Variants in MTUS2 observed in about 807,000 individuals in gnomAD.
The protein encoded by MTUS2 is microtubule associated scaffold protein 2, also known as microtubule-associated tumor suppressor candidate 2.
A neutral mutation model predicts 114.1 loss-of-function variants in MTUS2; 40 were observed. The ratio of observed to expected loss-of-function variants is 0.35; its 90% CI spans 0.27 to 0.46. MTUS2 has a LOEUF of 0.46. Among genes scored for constraint, MTUS2 ranks in the 20% least tolerant of loss-of-function variants. The pLI is 1.00. For synonymous variants in MTUS2, 688 were observed against 672.0 expected, an observed-to-expected ratio of 1.02 and a Z score of -0.37; for missense variants, 1,679 against 1,705.4, an observed-to-expected ratio of 0.98 and a Z score of 0.27.
At chr13:28,938,831 G>A (rs1240702068) in intron 2 of MTUS2, among the ~76,000 whole-genome samples, 2 of 152,012 alleles carry the variant, frequency 1.3e-5, no homozygotes, top group African/African-American at 2.4e-5. Flanking sequence ...GACATTGTAA[G>A]GCATATGAGA....
At position 29,023,178 on chromosome 13, in the gene MTUS2, C is replaced by T. The variant is rs565024443; in HGVS notation, c.-242-1279C>T. ...TTCCATGCAGATGGAAGAGTATGCG[C>T]AAAGGCCCTGAGGCAGAGAGTAATG... On this transcript the variant is annotated intron_variant, in intron 2 of 15. Coordinates refer to ENST00000612955, the MANE Select transcript of MTUS2 (RefSeq NM_001033602.4). 2.1e-4 allele frequency among the ~76,000 whole-genome samples: 32 copies of T among 152,172 alleles called. No homozygotes were observed. The Middle Eastern group carries it at 0.01, about 49-fold the overall frequency.
At chr13:28,972,579 T>TA (rs1160107392) in intron 2 of MTUS2, among the ~76,000 whole-genome samples, 1 of 152,202 alleles carries the variant, frequency 6.6e-6, no homozygotes, top group African/African-American at 2.4e-5. Context: ...CACAGCCACT[T>TA]AGGTTAGTTT....
At chr13:29,477,461 G>C (rs1460408443) in intron 9 of MTUS2, among the ~76,000 whole-genome samples, 3 of 152,060 alleles carry the variant, frequency 2.0e-5, no homozygotes, top group African/African-American at 7.2e-5. Flanking sequence ...GAACTCCTGG[G>C]AACAGGCATG....
chr13:28,998,570 C>T (rs1206007870), intron 2 of MTUS2, among the ~76,000 whole-genome samples: 1 of 152,210 alleles, frequency 6.6e-6, no homozygotes, highest in East Asian at 1.9e-4. Flanking sequence ...TCCCATATTT[C>T]TTGGAGGCTT....
chr13:28,998,763 T>C (rs909771605), intron 2 of MTUS2, among the ~76,000 whole-genome samples: 1 of 152,240 alleles, frequency 6.6e-6, no homozygotes, highest in Non-Finnish European at 1.5e-5. Context: ...AGGACTTCTC[T>C]GCATTGGTTA....
At chr13:28,831,499 A>G (rs1874675680) in intron 1 of MTUS2, among the ~76,000 whole-genome samples, 1 of 152,120 alleles carries the variant, frequency 6.6e-6, no homozygotes, top group African/African-American at 2.4e-5. Context: ...GAATGGCTAT[A>G]CCGATATGAA....
Position 29,130,371 on chromosome 13 carries a change from C to T in MTUS2, c.2644+29401C>T, listed in dbSNP as rs186062182. On this transcript the variant is annotated intron_variant, in intron 5 of 15. Transcript: ENST00000612955. The stretch of plus-strand genomic sequence containing the variant: ...TCTGCTCAAGCCACTCCAGCCTCCT[C>T]GCTCTTCCTTCTGCCCAGGCACCGG... 1.5e-3 allele frequency among the ~76,000 whole-genome samples: 232 copies of T among 152,270 alleles called. 3 individuals carry two copies. Among genetic ancestry groups the T allele is most frequent in the African/African-American group, 5.1e-3 (213 of 41,550 alleles).
At chr13:28,830,420 C>T (rs1354256294) in intron 1 of MTUS2, among the ~76,000 whole-genome samples, 6 of 151,686 alleles carry the variant, frequency 4.0e-5, no homozygotes, top group African/African-American at 1.5e-4. Context: ...AATGATGTCT[C>T]TTCAAATAGA....
intron 5 of MTUS2, among the ~76,000 whole-genome samples, chr13:29,180,375 A>G (rs1893946825): frequency 6.6e-6 from 1 of 152,248 alleles, no homozygotes; most frequent in Non-Finnish European, 1.5e-5. Flanking sequence ...ATCATAAAGA[A>G]ACAAGCAACC....
chr13:29,008,060 G>A (rs1180992854), intron 2 of MTUS2, among the ~76,000 whole-genome samples: 7 of 152,112 alleles, frequency 4.6e-5, no homozygotes, highest in African/African-American at 1.4e-4. Context: ...AGTAAATGCC[G>A]CATGAGGCTG....
At position 29,132,956 on chromosome 13, in the gene MTUS2, G is replaced by A. The variant is rs561664975; in HGVS notation, c.2644+31986G>A. On this transcript the variant is annotated intron_variant, in intron 5 of 15. Transcript: ENST00000612955. ...TGCCATACTGTTTTCCGTAACAGCT[G>A]TACCATTTTACATTTTCACAAGTGC... Among the ~76,000 whole-genome samples the A allele has an allele frequency of 3.3e-5, 5 of 151,468 alleles. No homozygotes were observed. The East Asian group carries it at 9.7e-4, about 29-fold the overall frequency.
chr13:29,372,187 C>A (rs1219222814), intron 8 of MTUS2, among the ~76,000 whole-genome samples: 2 of 151,536 alleles, frequency 1.3e-5, no homozygotes, highest in Non-Finnish European at 2.9e-5. Flanking sequence ...GCCTCCAAAT[C>A]TAGTGTGCAC....
intron 8 of MTUS2, among the ~76,000 whole-genome samples, chr13:29,386,055 G>T (rs377503779): frequency 5.9e-5 from 9 of 152,234 alleles, no homozygotes; most frequent in Middle Eastern, 3.4e-3. Context: ...ATGAATGAAT[G>T]AATGAAGAAA....
At chr13:29,281,627 G>A in intron 5 of MTUS2, 77 bp from the exon 6 acceptor site, 8 of 1,449,880 alleles carry the variant, frequency 5.5e-6, no homozygotes, top group Non-Finnish European at 7.5e-6. Flanking sequence ...CAGTAGGATT[G>A]GTTGGCAAGT....
chr13:28,890,064 T>A lies in MTUS2; in HGVS notation c.-243+50214T>A, dbSNP rs1209644264. On this transcript the variant is annotated intron_variant, in intron 2 of 15. Coordinates refer to ENST00000612955, the MANE Select transcript of MTUS2 (RefSeq NM_001033602.4). ...CTTTTTATTAGACTGTAAAGTGCAG[T>A]GTTGTCCCTGGAACATCCTTATTTT... 2.0e-5 allele frequency among the ~76,000 whole-genome samples: 3 copies of A among 152,202 alleles called. No individual in the cohort carries two copies. The East Asian group carries it at 5.8e-4, about 29-fold the overall frequency.
rs1255374162 is a variant in MTUS2 at position 29,389,545 on chromosome 13, A to ATGTATACACATATGTGTGTATG, written c.3117+30081_3117+30082insATATGTGTGTATGTGTATACAC. 4.2e-4 allele frequency among the ~76,000 whole-genome samples: 45 copies of ATGTATACACATATGTGTGTATG among 107,106 alleles called. 3 individuals are homozygous for ATGTATACACATATGTGTGTATG. The highest frequency in any genetic ancestry group is 6.8e-4 in the Non-Finnish European group (38 of 56,004). 70.3% of individuals were successfully genotyped at this position (107,106 alleles called of 152,430 possible). ...TGTATATATGTATACACGTGTGTAT[A>ATGTATACACATATGTGTGTATG]TGTATACACGTGTGTATATGTGTAC... On this transcript the variant is annotated intron_variant, in intron 8 of 15. Transcript: ENST00000612955.
intron 4 of MTUS2, among the ~76,000 whole-genome samples, chr13:29,037,090 G>A (rs752366299): frequency 5.9e-5 from 9 of 152,142 alleles, no homozygotes; most frequent in Non-Finnish European, 8.8e-5. Flanking sequence ...AGTTGATGGA[G>A]TTTCTTAATA....
intron 7 of MTUS2, among the ~76,000 whole-genome samples, chr13:29,346,611 G>GCAAGCGGGACTTTCAC (rs59551680): frequency 1.5e-5 from 1 of 68,206 alleles, no homozygotes. Flanking sequence ...TGCTGAGAAA[G>GCAAGCGGGACTTTCAC]GTTTCACGTC....
chr13:28,847,346 G>T (rs1245418752), intron 2 of MTUS2, among the ~76,000 whole-genome samples: 2 of 152,088 alleles, frequency 1.3e-5, no homozygotes, highest in Non-Finnish European at 2.9e-5. Context: ...TTGCCTCCCA[G>T]ATAGAGGGAC....
Sources: gnomAD v4.1 joint callset for allele counts (sites outside exome capture counted in the v4.1 genomes callset) on GRCh38, gnomAD v4.1.1 for gene constraint, MANE v1.5 for transcripts, NCBI Gene and HGNC (gene_info 2026-07-23, HGNC 2026-07-21) for gene names.